Variants in RERE observed in about 807,000 individuals in gnomAD.
RERE encodes arginine-glutamic acid dipeptide repeats, also known as arginine-glutamic acid dipeptide repeats protein.
In RERE, 40 loss-of-function variants were observed where a neutral mutation model predicts 146.1. The observed-to-expected ratio is 0.27, with a 90% CI of 0.21 to 0.36. RERE has a LOEUF of 0.36. RERE is among the 10% of genes least tolerant of loss of function. The probability of loss-of-function intolerance (pLI) is 1.00; values close to 1 mark genes in which losing one functional copy is unlikely to be tolerated. For missense variants in RERE, 1,933 were observed against 2,138.7 expected, an observed-to-expected ratio of 0.90 and a Z score of 1.90; for synonymous variants, 1,003 against 866.0, an observed-to-expected ratio of 1.16 and a Z score of -2.78.
intron 11 of RERE, among the ~76,000 whole-genome samples, chr1:8,431,571 C>T (rs1156304251): frequency 6.6e-6 from 1 of 152,114 alleles, no homozygotes; most frequent in Non-Finnish European, 1.5e-5. Flanking sequence ...CATCCTTCCC[C>T]TCAGCCCATG....
At position 8,356,016 on chromosome 1, in the gene RERE, ATGAG is replaced by A. The variant is rs1275969435; in HGVS notation, c.4486+80_4486+83del. 1.9e-4 allele frequency: 252 copies of A among 1,359,232 alleles called. No individual in the cohort carries two copies. Among genetic ancestry groups the A allele is most frequent in the South Asian group, 1.1e-4 (7 of 61,074 alleles). The allele number at this position is 1,359,232 out of a possible 1,614,324, so 84.2% of individuals were successfully genotyped here. On this transcript the variant is annotated intron_variant, in intron 21 of 22. Coordinates refer to ENST00000400908, the MANE Select transcript of RERE (RefSeq NM_001042681.2). This position sits in a 1 kb window ranked among gnomAD's most constrained non-coding sequence, Gnocchi z 5.2. The stretch of plus-strand genomic sequence containing the variant: ...ACCTGCTCAATGCATGAATGAATGA[ATGAG>A]TAATGAATGAAGACAGCAGACCAGA...
chr1:8,505,451 C>G (rs1259825543), intron 8 of RERE, among the ~76,000 whole-genome samples: 1 of 152,072 alleles, frequency 6.6e-6, no homozygotes, highest in Non-Finnish European at 1.5e-5. Context: ...GGATTTGATA[C>G]TTGAGGAAGC....
intron 1 of RERE, among the ~76,000 whole-genome samples, chr1:8,815,984 G>T (rs1019796569): frequency 4.6e-5 from 7 of 152,046 alleles, no homozygotes; most frequent in Admixed American, 3.3e-4. Context: ...ATAATTTACA[G>T]TAGTATTAAC....
chr1:8,495,024 G>C (rs778731266), intron 10 of RERE, 39 bp downstream of exon 10: 1 of 1,405,852 alleles, frequency 7.1e-7, no homozygotes, highest in South Asian at 1.2e-5. Context: ...AGGGGAAAAA[G>C]AAGTGTCTTC....
At chr1:8,803,385 G>T (rs534097657) in intron 1 of RERE, among the ~76,000 whole-genome samples, 6 of 152,170 alleles carry the variant, frequency 3.9e-5, no homozygotes, top group African/African-American at 1.4e-4. Flanking sequence ...CAGGAGAATC[G>T]CTTGAACCCG....
intron 1 of RERE, among the ~76,000 whole-genome samples, chr1:8,806,508 G>C (rs1641696328): frequency 6.6e-6 from 1 of 152,036 alleles, no homozygotes; most frequent in Admixed American, 6.6e-5. Context: ...GACAGAGGGA[G>C]ACTCCATCTC....
At chr1:8,674,449 A>C (rs1035622777) in intron 1 of RERE, among the ~76,000 whole-genome samples, 7 of 152,184 alleles carry the variant, frequency 4.6e-5, no homozygotes, top group African/African-American at 1.7e-4. Context: ...ACAAACAATA[A>C]CTGTGATAAC....
At chr1:8,494,583 G>A (rs1645021577) in intron 10 of RERE, among the ~76,000 whole-genome samples, 1 of 152,136 alleles carries the variant, frequency 6.6e-6, no homozygotes, top group Non-Finnish European at 1.5e-5. Flanking sequence ...AAAATTAGCT[G>A]GGCGTGGTGG....
chr1:8,596,262 G>A (rs572342343), intron 4 of RERE, among the ~76,000 whole-genome samples: 2 of 152,184 alleles, frequency 1.3e-5, no homozygotes, highest in South Asian at 2.1e-4. Context: ...GCAAAAAACA[G>A]GATAGCTCTC....
At chr1:8,717,088 C>T (rs1639779201) in intron 1 of RERE, among the ~76,000 whole-genome samples, 1 of 152,154 alleles carries the variant, frequency 6.6e-6, no homozygotes, top group Non-Finnish European at 1.5e-5. Flanking sequence ...ACTAAAGTAA[C>T]AGCTTTTAAA....
intron 1 of RERE, among the ~76,000 whole-genome samples, chr1:8,660,356 T>G (rs1180397785): frequency 1.3e-5 from 2 of 152,222 alleles, no homozygotes; most frequent in Non-Finnish European, 2.9e-5. Context: ...AGTTGTCACT[T>G]CAATTTGCTA....
At chr1:8,732,801 A>C (rs1234246355) in intron 1 of RERE, among the ~76,000 whole-genome samples, 1 of 110,774 alleles carries the variant, frequency 9.0e-6, no homozygotes, top group Non-Finnish European at 1.9e-5. Context: ...CCCAATTTTC[A>C]ATTTTTCTTT....
chr1:8,366,919 A>T (rs1641824449), intron 12 of RERE, among the ~76,000 whole-genome samples: 1 of 149,462 alleles, frequency 6.7e-6, no homozygotes, highest in Non-Finnish European at 1.5e-5. Context: ...AAAAAAACAA[A>T]AAAAAAAAAC....
intron 2 of RERE, among the ~76,000 whole-genome samples, chr1:8,655,190 T>C (rs926570961): frequency 1.6e-4 from 24 of 151,580 alleles, no homozygotes; most frequent in Non-Finnish European, 2.5e-4. Context: ...GCAGGAGCAA[T>C]ACATCTCTGA....
At chr1:8,661,129 G>T (rs1371344329) in intron 1 of RERE, among the ~76,000 whole-genome samples, 1 of 152,178 alleles carries the variant, frequency 6.6e-6, no homozygotes, top group Non-Finnish European at 1.5e-5. Flanking sequence ...TTCAGGGAAG[G>T]CCTCTCTGAG....
chr1:8,674,737 CCATTTTACATACTCATACTT>C (rs1368692775), intron 1 of RERE, among the ~76,000 whole-genome samples: 4 of 152,200 alleles, frequency 2.6e-5, no homozygotes, highest in Admixed American at 6.5e-5. Flanking sequence ...ATTTCATACT[CCATTTTACATACTCATACTT>C]CATTTTACAA....
In RERE at chr1:8,562,752, A is replaced by G. The variant is rs140546711; in HGVS notation, c.523-5229T>C. Among the ~76,000 whole-genome samples, 1,036 of 152,248 alleles carry G rather than the reference A, an allele frequency of 6.8e-3. 7 individuals are homozygous for G. The highest frequency in any genetic ancestry group is 0.017 in the Middle Eastern group (5 of 294). ...AAGTTTCAGGACTCTGGGCAAAAAA[A>G]AGGGGAGGGGGAGTTGTTTCTGGGC... is the stretch of plus-strand genomic sequence containing the variant. On this transcript the variant is annotated intron_variant, in intron 4 of 22. Transcript: ENST00000400908.
At chr1:8,686,576 C>T (rs1299197707) in intron 1 of RERE, among the ~76,000 whole-genome samples, 1 of 152,098 alleles carries the variant, frequency 6.6e-6, no homozygotes, top group African/African-American at 2.4e-5. Flanking sequence ...ATGGTGAAAC[C>T]CCATCTCCAC....
intron 12 of RERE, among the ~76,000 whole-genome samples, chr1:8,409,514 C>A (rs1643554533): frequency 6.6e-6 from 1 of 152,156 alleles, no homozygotes; most frequent in South Asian, 2.1e-4. Context: ...GGACTGACAG[C>A]AAATCCCAAA....
Sources: allele counts gnomAD v4.1 joint callset (sites outside exome capture counted in the v4.1 genomes callset), GRCh38; gene constraint gnomAD v4.1.1; non-coding constraint Gnocchi (gnomAD v3.1); transcripts MANE v1.5; gene names NCBI Gene and HGNC (gene_info 2026-07-23, HGNC 2026-07-21).